The following HIGD1C variants were observed in gnomAD, a reference collection of about 807,000 sequenced individuals.
HIGD1C encodes the protein HIG1 domain family member 1C.
HIGD1C carries 11 observed loss-of-function variants against 13.1 expected under a neutral mutation model. That is an observed-to-expected ratio of 0.84 (90% CI 0.53 to 1.39). HIGD1C has a LOEUF of 1.39. Ranked by LOEUF, HIGD1C falls within the 40% of genes most tolerant of loss-of-function variation. The pLI, the probability that HIGD1C is intolerant of heterozygous loss-of-function variation, is 0.00. For missense variants in HIGD1C, 110 were observed against 112.0 expected (o/e 0.98, Z 0.08); for synonymous variants, 36 against 37.7 (o/e 0.95, Z 0.17).
Position 50,960,961 on chromosome 12 carries a change from T to C in HIGD1C, c.95-7T>C, listed in dbSNP as rs372097676. The C allele has an allele frequency of 5.8e-6, 9 of 1,561,662 alleles. No individual in the cohort carries two copies. Among genetic ancestry groups the C allele is most frequent in the East Asian group, 4.7e-5 (2 of 42,722 alleles). On this transcript the variant is annotated splice_region_variant and splice_polypyrimidine_tract_variant and intron_variant, in intron 1 of 2. Coordinates refer to ENST00000398455, the Ensembl canonical transcript of HIGD1C. ...TTCCAAATAACCCATACTTTTAAAA[T>C]TCACAGGTATAGCAGGCTTTGTGAC...
the HIGD1C span, chr12:50,935,210 G>A: frequency 6.6e-6 from 1 of 152,282 alleles, no homozygotes; most frequent in South Asian, 2.1e-4. Flanking sequence ...AAGGCAAACT[G>A]TTCAGTATCA....
the HIGD1C span, among the ~76,000 whole-genome samples, chr12:50,942,864 TCTC>T: frequency 8.3e-6 from 1 of 120,170 alleles, no homozygotes; most frequent in South Asian, 3.5e-4. Context: ...CAGTTTCTCT[TCTC>T]TTTTTTTTTT....
intron 1 of HIGD1C, among the ~76,000 whole-genome samples, chr12:50,956,598 CTGCA>C: frequency 6.6e-6 from 1 of 152,282 alleles, no homozygotes; most frequent in East Asian, 1.9e-4. Context: ...GTTAAGGTCT[CTGCA>C]TGCATTATAT....
At chr12:50,932,942 T>C in the HIGD1C span, among the ~76,000 whole-genome samples, 3 of 152,288 alleles carry the variant, frequency 2.0e-5, no homozygotes, top group East Asian at 3.9e-4. Flanking sequence ...AATCCAACCA[T>C]CTCACTATTG....
intron 2 of HIGD1C, among the ~76,000 whole-genome samples, chr12:50,968,455 C>T (rs755159003): frequency 2.0e-5 from 3 of 151,994 alleles, no homozygotes; most frequent in African/African-American, 7.2e-5. Flanking sequence ...GGCGTGATCA[C>T]GGTTCACAGC....
chr12:50,940,569 C>A, the HIGD1C span, among the ~76,000 whole-genome samples: 9 of 151,766 alleles, frequency 5.9e-5, no homozygotes, highest in Non-Finnish European at 1.2e-4. Flanking sequence ...AAATTGTTTT[C>A]AAAAATTAGC....
the HIGD1C span, among the ~76,000 whole-genome samples, chr12:50,938,855 T>C: frequency 1.6e-4 from 24 of 152,320 alleles, 1 homozygote; most frequent in Admixed American, 1.6e-3. Flanking sequence ...GGGAAGACAC[T>C]AAGTCTAGAT....
At chr12:50,966,548 C>T (rs1939547514) in intron 2 of HIGD1C, among the ~76,000 whole-genome samples, 1 of 152,192 alleles carries the variant, frequency 6.6e-6, no homozygotes, top group African/African-American at 2.4e-5. Context: ...AAAACATCTC[C>T]AGACATTACC....
chr12:50,953,135 C>T (rs922170870), upstream of HIGD1C, among the ~76,000 whole-genome samples: 2 of 152,148 alleles, frequency 1.3e-5, no homozygotes, highest in East Asian at 1.9e-4. Context: ...CTGGGCTTTC[C>T]CATTATCAAT....
At chr12:50,948,398 A>C in the HIGD1C span, among the ~76,000 whole-genome samples, 1 of 152,192 alleles carries the variant, frequency 6.6e-6, no homozygotes, top group South Asian at 2.1e-4. Flanking sequence ...AAAGCCTGAC[A>C]ACACATTCTG....
chr12:50,951,285 T>C (rs796449086), upstream of HIGD1C, among the ~76,000 whole-genome samples: 49 of 152,290 alleles, frequency 3.2e-4, no homozygotes, highest in African/African-American at 1.1e-3. Flanking sequence ...CAACTTTGTG[T>C]TCCGTGATGA....
the HIGD1C span, among the ~76,000 whole-genome samples, chr12:50,936,944 T>C: frequency 2.6e-5 from 4 of 152,372 alleles, no homozygotes; most frequent in African/African-American, 9.6e-5. Flanking sequence ...CTACAAAGCA[T>C]TCTCTGGCTA....
chr12:50,964,592 G>C (rs1939472090), intron 2 of HIGD1C, among the ~76,000 whole-genome samples: 1 of 152,238 alleles, frequency 6.6e-6, no homozygotes, highest in Non-Finnish European at 1.5e-5. Context: ...CGGCTGGAGA[G>C]TTCACACAGC....
At chr12:50,969,918 C>T (rs1299455725) in intron 2 of HIGD1C, among the ~76,000 whole-genome samples, 3 of 152,046 alleles carry the variant, frequency 2.0e-5, no homozygotes, top group Non-Finnish European at 4.4e-5. Context: ...CTCATTAAAG[C>T]AGCTCCTCTC....
intron 2 of HIGD1C, among the ~76,000 whole-genome samples, chr12:50,966,138 A>G (rs953156837): frequency 2.0e-5 from 3 of 152,150 alleles, no homozygotes; most frequent in Non-Finnish European, 4.4e-5. Context: ...GTCTTTGTCA[A>G]TCAAATGCTA....
At chr12:50,970,890 A>AT (rs1166330631), downstream of HIGD1C, among the ~76,000 whole-genome samples, 2 of 143,348 alleles carry the variant, frequency 1.4e-5, no homozygotes, top group Non-Finnish European at 3.1e-5. Context: ...ATTTTATTTT[A>AT]TTTTTTGAGA....
At chr12:50,952,001 C>T (rs35379220), upstream of HIGD1C, among the ~76,000 whole-genome samples, 29,398 of 145,238 alleles carry the variant, frequency 0.2, 3,166 homozygotes, top group South Asian at 0.27. Context: ...CTAAAGGAGA[C>T]TAAAGAAACA....
rs537075762 is a variant in HIGD1C, at chr12:50,958,162, G to C, written c.95-2806G>C. Among the ~76,000 whole-genome samples, 3 of 151,850 alleles carry C rather than the reference G, an allele frequency of 2.0e-5. No individual in the cohort carries two copies. The South Asian group carries it at 6.2e-4, about 32-fold the overall frequency. On this transcript the variant is annotated intron_variant, in intron 1 of 2. Transcript: ENST00000398455. The stretch of plus-strand genomic sequence containing the variant: ...TGGTAAAGATGTCAATTCTCCCCAA[G>C]TTTATCTACAGGCTTAATGTAATTC...
At position 50,962,934 on chromosome 12, in the gene HIGD1C, G is replaced by A. The variant is rs150547727; in HGVS notation, c.229+1832G>A. 3.6e-3 allele frequency among the ~76,000 whole-genome samples: 554 copies of A among 152,276 alleles called. 1 individual carries two copies. Among genetic ancestry groups the A allele is most frequent in the African/African-American group, 0.012 (499 of 41,550 alleles). On this transcript the variant is annotated intron_variant, in intron 2 of 2. Coordinates refer to ENST00000398455, the Ensembl canonical transcript of HIGD1C. ...TACATAGCTTGGTAGGCGAATCAGT[G>A]TTTGAGGAGAAAAGCAACACTACTA... is the stretch of plus-strand genomic sequence containing the variant.
Sources: allele counts gnomAD v4.1 joint callset (sites outside exome capture counted in the v4.1 genomes callset), GRCh38; gene constraint gnomAD v4.1.1; transcripts MANE v1.5; gene names NCBI Gene and HGNC (gene_info 2026-07-23, HGNC 2026-07-21).